Variants in DAB1 observed in about 807,000 individuals in gnomAD.
The protein encoded by DAB1 is disabled homolog 1.
DAB1 carries 15 observed loss-of-function variants against 64.6 expected under a neutral mutation model. The observed-to-expected ratio is 0.23, with a 90% CI of 0.16 to 0.36. The LOEUF (loss-of-function observed/expected upper bound fraction) is 0.36, where lower values mean the gene tolerates loss of function less well. Among genes scored for constraint, DAB1 ranks in the 10% least tolerant of loss-of-function variants. The pLI, the probability that DAB1 is intolerant of heterozygous loss-of-function variation, is 1.00. For missense variants in DAB1, 596 were observed against 706.7 expected, an observed-to-expected ratio of 0.84 and a Z score of 1.78; for synonymous variants, 235 against 251.9, an observed-to-expected ratio of 0.93 and a Z score of 0.64.
At chr1:57,824,122 T>A (rs1266421324), downstream of DAB1, among the ~76,000 whole-genome samples, 1 of 152,218 alleles carries the variant, frequency 6.6e-6, no homozygotes, top group Non-Finnish European at 1.5e-5. Flanking sequence ...ATCCCATGAG[T>A]TAGATGTTAT....
intron 6 of DAB1, among the ~76,000 whole-genome samples, chr1:57,702,815 C>G (rs1646922267): frequency 1.3e-5 from 2 of 152,130 alleles, no homozygotes; most frequent in African/African-American, 4.8e-5. Context: ...AGTAACCAAA[C>G]AGCATGGTAC....
At chr1:58,389,526 AAGAGTTCTG>A (rs1644460020) in intron 3 of DAB1, among the ~76,000 whole-genome samples, 1 of 152,204 alleles carries the variant, frequency 6.6e-6, no homozygotes, top group Admixed American at 6.5e-5. Flanking sequence ...GCATAGGATT[AAGAGTTCTG>A]GGTTTGAATC....
intron 6 of DAB1, among the ~76,000 whole-genome samples, chr1:57,665,739 T>A (rs2101676177): frequency 6.6e-6 from 1 of 152,196 alleles, no homozygotes; most frequent in South Asian, 2.1e-4. Context: ...AATATGTGTG[T>A]ACACTCAAAC....
intron 1 of DAB1, among the ~76,000 whole-genome samples, chr1:57,356,010 A>G (rs1378067036): frequency 6.6e-6 from 1 of 151,892 alleles, no homozygotes; most frequent in Non-Finnish European, 1.5e-5. Context: ...CCCTTATCAC[A>G]TTTAGTTCCA....
At chr1:58,118,607 T>C (rs1447863175) in intron 5 of DAB1, among the ~76,000 whole-genome samples, 17 of 86,990 alleles carry the variant, frequency 2.0e-4, no homozygotes, top group Admixed American at 4.0e-4. Flanking sequence ...TATATATATA[T>C]ACATATATAT....
At chr1:58,130,912 T>C (rs1209533745) in intron 5 of DAB1, among the ~76,000 whole-genome samples, 121 of 151,552 alleles carry the variant, frequency 8.0e-4, no homozygotes, top group Non-Finnish European at 1.4e-3. Context: ...ATTTCCACTT[T>C]GGTGAATCTG....
chr1:57,357,589 C>CTATT (rs1303525944), intron 1 of DAB1, among the ~76,000 whole-genome samples: 3 of 141,964 alleles, frequency 2.1e-5, no homozygotes, highest in Non-Finnish European at 4.5e-5. Context: ...AGATAGTTCA[C>CTATT]TATTAGCATG....
chr1:57,733,826 TG>T (rs1206904351), intron 6 of DAB1, among the ~76,000 whole-genome samples: 1 of 151,830 alleles, frequency 6.6e-6, no homozygotes, highest in Non-Finnish European at 1.5e-5. Context: ...AGAGTCAGCA[TG>T]GGGGGAATCC....
At chr1:58,203,758 CT>C (rs1174624777) in intron 4 of DAB1, among the ~76,000 whole-genome samples, 1 of 152,186 alleles carries the variant, frequency 6.6e-6, no homozygotes, top group Non-Finnish European at 1.5e-5. Context: ...CTGCAATGAT[CT>C]TTTTGCATGT....
chr1:57,605,927 G>A (rs1645630540), intron 7 of DAB1: 1 of 688,008 alleles, frequency 1.5e-6, no homozygotes, highest in African/African-American at 1.8e-5. Context: ...ATCTCAGAAG[G>A]ACTGTGCAAG....
chr1:57,985,478 A>C (rs2100356252), intron 5 of DAB1, among the ~76,000 whole-genome samples: 1 of 152,324 alleles, frequency 6.6e-6, no homozygotes, highest in South Asian at 2.1e-4. Flanking sequence ...AGAGGTGATT[A>C]GCATTAACAC....
In DAB1 at chr1:57,089,385, C is replaced by T. The variant is rs138069274; in HGVS notation, c.307-16971G>A. 1.6e-4 allele frequency among the ~76,000 whole-genome samples: 25 copies of T among 152,228 alleles called. No individual in the cohort carries two copies. In the East Asian group the frequency reaches 4.4e-3, roughly 27 times the overall value. On this transcript the variant is annotated intron_variant, in intron 4 of 14. Transcript: ENST00000371236. ...CTGGGTAATTTATAACAAAAAGATA[C>T]GTAATTGGCTCACTGTTCTTCGGGC...
chr1:57,695,384 G>GA lies in DAB1; in HGVS notation n.552-45720dup, dbSNP rs750243725. ...AAGAAGAAAGAAAGAAAGAAAGAAA[G>GA]AAAGAAAGAAAGAAAGAAAGAAAGA... On this transcript the variant is annotated intron_variant and non_coding_transcript_variant, in intron 6 of 20. Coordinates refer to the DAB1 transcript ENST00000485760. Among the ~76,000 whole-genome samples, 149 of 75,002 alleles carry GA rather than the reference G, an allele frequency of 2.0e-3. 1 individual carries two copies. In the Middle Eastern group the frequency reaches 0.022, roughly 11 times the overall value. The allele number at this position is 75,002 out of a possible 152,430, so 49.2% of individuals were successfully genotyped here.
intron 3 of DAB1, among the ~76,000 whole-genome samples, chr1:58,482,189 C>T (rs184528387): frequency 2.8e-4 from 43 of 152,244 alleles, no homozygotes; most frequent in African/African-American, 9.6e-4. Context: ...TGTGCACATG[C>T]ACAGGGTGTG....
intron 5 of DAB1, among the ~76,000 whole-genome samples, chr1:58,082,742 G>T (rs1052915132): frequency 6.6e-6 from 1 of 152,098 alleles, no homozygotes; most frequent in Admixed American, 6.5e-5. Flanking sequence ...AGAAAACAGC[G>T]CATCTCATGC....
chr1:57,942,248 G>A (rs547719817), intron 5 of DAB1, among the ~76,000 whole-genome samples: 1 of 152,300 alleles, frequency 6.6e-6, no homozygotes, highest in African/African-American at 2.4e-5. Context: ...CAGTTGGTCA[G>A]TCAACCAACA....
At chr1:58,425,206 T>C (rs948798195) in intron 3 of DAB1, among the ~76,000 whole-genome samples, 1 of 152,180 alleles carries the variant, frequency 6.6e-6, no homozygotes, top group Non-Finnish European at 1.5e-5. Context: ...TCTAACCAGG[T>C]CCAGAGAGCC....
rs746213656 is a variant in DAB1 at position 57,069,384 on chromosome 1, G to A, written c.639C>T (p.Pro213=). The part of the protein sequence containing the change: ...FEAGHEPIRD[P]ETEENIYQVP... Reference sequence around the variant, plus strand: ...CCTGATAAATGTTTTCTTCCGTTTCGGGATCACGGATTGGCTCGTGTCCAG... The same window carrying A: ...CCTGATAAATGTTTTCTTCCGTTTCAGGATCACGGATTGGCTCGTGTCCAG... The change falls in exon 8 of 15, where the codon CCC becomes CCT. Residue 213 remains proline (P), a synonymous_variant. Transcript: ENST00000371236. The A allele has an allele frequency of 2.2e-5, 35 of 1,613,298 alleles. No homozygotes were observed. The highest frequency in any genetic ancestry group is 5.3e-5 in the African/African-American group (4 of 74,860).
At chr1:57,001,332 T>C (rs1203601016) in intron 14 of DAB1, among the ~76,000 whole-genome samples, 1 of 152,184 alleles carries the variant, frequency 6.6e-6, no homozygotes, top group African/African-American at 2.4e-5. Context: ...TTTGTCCACG[T>C]CTCTGCCCTG....
Sources: gnomAD v4.1 joint callset for allele counts (sites outside exome capture counted in the v4.1 genomes callset) on GRCh38, gnomAD v4.1.1 for gene constraint, MANE v1.5 for transcripts, NCBI Gene and HGNC (gene_info 2026-07-23, HGNC 2026-07-21) for gene names.